The following SRGAP2 variants were observed in gnomAD, a reference collection of about 807,000 sequenced individuals.
SRGAP2 encodes SLIT-ROBO Rho GTPase-activating protein 2.
A neutral mutation model predicts 57.2 loss-of-function variants in SRGAP2; 15 were observed. The observed-to-expected ratio is 0.26, with a 90% CI of 0.18 to 0.40. The LOEUF is 0.40. Among genes scored for constraint, SRGAP2 ranks in the 10% least tolerant of loss-of-function variants. The pLI is 1.00. For missense variants in SRGAP2, 520 were observed against 669.6 expected, an observed-to-expected ratio of 0.78 and a Z score of 2.47; for synonymous variants, 249 against 248.0, an observed-to-expected ratio of 1.00 and a Z score of -0.04.
At chr1:206,365,942 G>A (rs1475327658) in intron 4 of SRGAP2, among the ~76,000 whole-genome samples, 1 of 151,860 alleles carries the variant, frequency 6.6e-6, no homozygotes, top group Admixed American at 6.6e-5. Context: ...CAGACTAGGA[G>A]AAAAAGGACA....
At chr1:206,309,718 C>T (rs1571816896) in intron 3 of SRGAP2, among the ~76,000 whole-genome samples, 1 of 151,562 alleles carries the variant, frequency 6.6e-6, no homozygotes, top group Admixed American at 6.6e-5. Flanking sequence ...CAGTACGAGG[C>T]CATCAGGTAT....
chr1:206,260,721 T>C (rs1446813081), intron 2 of SRGAP2, among the ~76,000 whole-genome samples: 2 of 152,242 alleles, frequency 1.3e-5, no homozygotes, highest in African/African-American at 2.4e-5. Context: ...CCTCCTACTT[T>C]ATTGAATCAG....
chr1:206,305,625 G>A (rs1294775044), intron 3 of SRGAP2, among the ~76,000 whole-genome samples: 1 of 151,242 alleles, frequency 6.6e-6, no homozygotes, highest in Non-Finnish European at 1.5e-5. Flanking sequence ...GTGTCCCACG[G>A]TGCCTAGTAT....
chr1:206,281,421 A>T (rs1670726957), intron 2 of SRGAP2, among the ~76,000 whole-genome samples: 1 of 122,798 alleles, frequency 8.1e-6, no homozygotes, highest in Non-Finnish European at 1.6e-5. Context: ...ATGTCAAAAA[A>T]TTTTTTAAAT....
At chr1:206,216,565 G>A (rs1436643182) in intron 2 of SRGAP2, among the ~76,000 whole-genome samples, 1 of 151,262 alleles carries the variant, frequency 6.6e-6, no homozygotes, top group African/African-American at 2.4e-5. Flanking sequence ...TGAGATCTTT[G>A]GTAAATGGGG....
intron 4 of SRGAP2, among the ~76,000 whole-genome samples, chr1:206,347,646 C>A (rs1392952680): frequency 2.0e-5 from 3 of 151,162 alleles, no homozygotes; most frequent in African/African-American, 7.4e-5. Flanking sequence ...AGTCACCTGG[C>A]TCTAGAATCC....
intron 14 of SRGAP2, among the ~76,000 whole-genome samples, chr1:206,435,540 G>A (rs1274020101): frequency 6.6e-6 from 1 of 152,212 alleles, no homozygotes; most frequent in African/African-American, 2.4e-5. Flanking sequence ...GCAGTTGTGT[G>A]TGTGGTGCTG....
At chr1:206,363,813 C>T (rs1309029700) in intron 4 of SRGAP2, among the ~76,000 whole-genome samples, 1 of 152,186 alleles carries the variant, frequency 6.6e-6, no homozygotes, top group African/African-American at 2.4e-5. Flanking sequence ...GAGGCACTTG[C>T]CGTTGATTTG....
At chr1:206,427,935 C>G (rs782774105) in intron 13 of SRGAP2, among the ~76,000 whole-genome samples, 5 of 151,932 alleles carry the variant, frequency 3.3e-5, no homozygotes, top group Non-Finnish European at 5.9e-5. Flanking sequence ...ATAGCAAGAC[C>G]CTCTATGTAA....
chr1:206,449,936 A>G (rs1178878133), intron 18 of SRGAP2, among the ~76,000 whole-genome samples: 4 of 152,202 alleles, frequency 2.6e-5, no homozygotes, highest in Admixed American at 1.3e-4. Context: ...GCTTAAGGAG[A>G]TTAAATAACT....
At chr1:206,203,769 T>A (rs1553299995) in intron 1 of SRGAP2, 119 bp downstream of exon 1, 1 of 1,501,738 alleles carries the variant, frequency 6.7e-7, no homozygotes, top group African/African-American at 1.4e-5. Flanking sequence ...GGCATCGCCT[T>A]AGCGGTGCCG....
At chr1:206,460,471 G>A (rs1277605717) in intron 22 of SRGAP2, among the ~76,000 whole-genome samples, 2 of 152,250 alleles carry the variant, frequency 1.3e-5, no homozygotes, top group African/African-American at 4.8e-5. Flanking sequence ...ACACTGCCCT[G>A]AGTTGGGGAG....
chr1:206,420,563 G>T (rs1553363988), intron 12 of SRGAP2, among the ~76,000 whole-genome samples: 1 of 152,158 alleles, frequency 6.6e-6, no homozygotes, highest in East Asian at 1.9e-4. Context: ...GATTCCAAAG[G>T]GGTTCCTCAG....
At chr1:206,318,696 G>A (rs1361700228) in intron 3 of SRGAP2, among the ~76,000 whole-genome samples, 2 of 152,234 alleles carry the variant, frequency 1.3e-5, no homozygotes, top group East Asian at 1.9e-4. Flanking sequence ...AGAAGGCACC[G>A]GGGAGCCAGC....
intron 10 of SRGAP2, among the ~76,000 whole-genome samples, chr1:206,414,799 T>G (rs1489749540): frequency 1.3e-5 from 2 of 152,248 alleles, no homozygotes; most frequent in Non-Finnish European, 2.9e-5. Context: ...ATATCTTCCC[T>G]ATGTGCCATA....
intron 21 of SRGAP2, among the ~76,000 whole-genome samples, chr1:206,456,895 G>A (rs552835614): frequency 1.3e-5 from 2 of 152,208 alleles, no homozygotes; most frequent in South Asian, 4.2e-4. Context: ...CTCCTCACCT[G>A]GTCACCTCCT....
chr1:206,422,635 T>C (rs1660416690), intron 13 of SRGAP2, among the ~76,000 whole-genome samples: 1 of 152,214 alleles, frequency 6.6e-6, no homozygotes, highest in African/African-American at 2.4e-5. Context: ...ATCTTGCTTA[T>C]AGCTGGAGCA....
intron 19 of SRGAP2, among the ~76,000 whole-genome samples, chr1:206,452,900 A>G (rs1663454319): frequency 6.6e-6 from 1 of 151,316 alleles, no homozygotes; most frequent in African/African-American, 2.4e-5. Context: ...AAAAAAAAAA[A>G]AAAAAAAAAT....
At chr1:206,257,741 TATAC>T (rs782220130) in intron 2 of SRGAP2, among the ~76,000 whole-genome samples, 1,410 of 115,126 alleles carry the variant, frequency 0.012, 17 homozygotes, top group African/African-American at 0.037. Context: ...AGACTATATA[TATAC>T]ATATATATAT....
Sources: allele counts gnomAD v4.1 joint callset (sites outside exome capture counted in the v4.1 genomes callset), GRCh38; gene constraint gnomAD v4.1.1; transcripts MANE v1.5; gene names NCBI Gene and HGNC (gene_info 2026-07-23, HGNC 2026-07-21).